Variants in KIF24 observed in about 807,000 individuals in gnomAD.
KIF24 encodes kinesin-like protein KIF24.
Under a neutral mutation model 118.9 loss-of-function variants are expected in KIF24, and 81 were observed. The ratio of observed to expected loss-of-function variants is 0.68; its 90% confidence interval spans 0.57 to 0.82. The LOEUF is 0.82. Among genes scored for constraint, KIF24 ranks in the 40% least tolerant of loss-of-function variants. The probability of loss-of-function intolerance (pLI) is 0.00; values close to 1 mark genes in which losing one functional copy is unlikely to be tolerated. For synonymous variants in KIF24, 599 were observed against 610.0 expected (o/e 0.98, Z 0.27); for missense variants, 1,560 against 1,661.6 (o/e 0.94, Z 1.06).
chr9:34,252,544 T>TTTA lies in KIF24; in HGVS notation c.*1833_*1835dup, dbSNP rs1834631222. ...AGGTATGTCTTGGTGTGATAACTTC[T>TTTA]TTATTACCAAGGCTGTTTTATGGGA... is the stretch of plus-strand genomic sequence containing the variant. On this transcript the variant is annotated 3_prime_UTR_variant, in exon 13 of 13. Coordinates refer to ENST00000402558, the MANE Select transcript of KIF24 (RefSeq NM_194313.4). 1 of 152,674 alleles carries TTTA rather than the reference T, an allele frequency of 6.5e-6. No homozygotes were observed. The highest frequency in any genetic ancestry group is 2.1e-4 in the South Asian group (1 of 4,836). The allele number at this position is 152,674 out of a possible 1,614,324, so 9.5% of individuals were successfully genotyped here.
chr9:34,257,639 A>G lies in KIF24; in HGVS notation c.1968T>C (p.His656=), dbSNP rs1280819098. 3 of 1,613,966 alleles carry G rather than the reference A, an allele frequency of 1.9e-6. No homozygotes were observed. The highest frequency in any genetic ancestry group is 2.2e-5 in the South Asian group (2 of 91,080). The change falls in exon 11 of 13, where the codon CAT becomes CAC. Residue 656 remains histidine, a synonymous_variant. Coordinates refer to ENST00000402558, the MANE Select transcript of KIF24 (RefSeq NM_194313.4). ...SPVKGTVRSG[H]VAKKKPEESA... ...ACTCTTCTGGCTTTTTTTTGGCCAC[A>G]TGTCCAGAGCGCACAGTTCCTTTCA...
chr9:34,299,127 ATTC>A (rs996944173), intron 3 of KIF24, among the ~76,000 whole-genome samples: 2 of 151,914 alleles, frequency 1.3e-5, no homozygotes, highest in Non-Finnish European at 2.9e-5. Context: ...ATACATATAT[ATTC>A]TTATATACAT....
chr9:34,252,628 T>A lies in KIF24; in HGVS notation c.*1752A>T, dbSNP rs1834637443. The A allele has an allele frequency of 1.3e-5, 2 of 152,460 alleles. No individual in the cohort carries two copies. Among genetic ancestry groups the A allele is most frequent in the South Asian group, 4.1e-4 (2 of 4,834 alleles). 9.4% of individuals were successfully genotyped at this position (152,460 alleles called of 1,614,324 possible). ...TTGCTTAGATTTGCTGGGGATAGAATAGGACCTAACCGTTTTCTATTTCGG... is the reference window on the plus strand; with the variant it reads ...TTGCTTAGATTTGCTGGGGATAGAAAAGGACCTAACCGTTTTCTATTTCGG... On this transcript the variant is annotated 3_prime_UTR_variant, in exon 13 of 13. Transcript: ENST00000402558.
chr9:34,279,734 G>A (rs72731299), intron 6 of KIF24, among the ~76,000 whole-genome samples: 5,924 of 152,340 alleles, frequency 0.039, 159 homozygotes, highest in South Asian at 0.071. Context: ...ATACCTGAGC[G>A]AGTATGAACA....
chr9:34,289,467 T>A (rs1836171830), intron 5 of KIF24, among the ~76,000 whole-genome samples: 1 of 152,166 alleles, frequency 6.6e-6, no homozygotes, highest in Non-Finnish European at 1.5e-5. Context: ...ACATCTCAAA[T>A]CTGGTTAATT....
intron 4 of KIF24, among the ~76,000 whole-genome samples, chr9:34,293,072 TAA>T (rs1836314711): frequency 1.3e-5 from 2 of 152,164 alleles, no homozygotes; most frequent in Admixed American, 6.5e-5. Context: ...AAATTGAACC[TAA>T]GAGATATTTC....
chr9:34,278,063 C>A (rs1047051698), intron 6 of KIF24, among the ~76,000 whole-genome samples: 1 of 152,130 alleles, frequency 6.6e-6, no homozygotes, highest in Non-Finnish European at 1.5e-5. Flanking sequence ...CACCTGAGGT[C>A]AGGAGTTTGA....
At chr9:34,299,387 G>A (rs1836607209) in intron 3 of KIF24, among the ~76,000 whole-genome samples, 1 of 151,754 alleles carries the variant, frequency 6.6e-6, no homozygotes, top group African/African-American at 2.4e-5. Flanking sequence ...TCATCATGTT[G>A]GCCAGGCTGG....
chr9:34,320,944 T>A (rs1160062466), intron 1 of KIF24, among the ~76,000 whole-genome samples: 1 of 152,180 alleles, frequency 6.6e-6, no homozygotes, highest in African/African-American at 2.4e-5. Flanking sequence ...TGTGTGCTTT[T>A]ATTTTTATTC....
Position 34,283,052 on chromosome 9 carries a change from CAAAAAAAAAA to C in KIF24, c.1215+3555_1215+3564del, listed in dbSNP as rs33926979. ...GGGCGACAAGAGCAAAACTCCGTCT[CAAAAAAAAAA>C]AAAAAAAAAAAAAGAATATTATGGC... On this transcript the variant is annotated intron_variant, in intron 6 of 12. Transcript: ENST00000402558. 2.0e-3 allele frequency among the ~76,000 whole-genome samples: 138 copies of C among 69,072 alleles called. 1 individual carries two copies. Among genetic ancestry groups the C allele is most frequent in the African/African-American group, 7.4e-3 (133 of 17,854 alleles). The allele number at this position is 69,072 out of a possible 152,430, so 45.3% of individuals were successfully genotyped here. A position where few individuals can be genotyped will look rare whatever the true frequency, so the allele number is the denominator to read the frequency against.
At chr9:34,286,506 A>G (rs1461424868) in intron 6 of KIF24, 111 bp downstream of exon 6, 2 of 708,754 alleles carry the variant, frequency 2.8e-6, no homozygotes, top group Non-Finnish European at 5.0e-6. Context: ...TGGGCTTGTC[A>G]TTGCCCTTTG....
chr9:34,288,802 C>T (rs955038535), intron 5 of KIF24, among the ~76,000 whole-genome samples: 9 of 149,844 alleles, frequency 6.0e-5, no homozygotes, highest in Admixed American at 3.3e-4. Context: ...TAAAGAAATG[C>T]GTTCAGAAAG....
Position 34,257,580 on chromosome 9 carries a change from C to A in KIF24, c.2027G>T (p.Gly676Val). 6.2e-7 allele frequency: 1 copy of A among 1,614,086 alleles called. No individual in the cohort carries two copies. Among genetic ancestry groups the A allele is most frequent in the South Asian group, 1.1e-5 (1 of 91,090 alleles). ...TTCCCACCCAAGGACAGTTTTGTTG[C>A]CCATTCGATTTTTCTCAGAGCACAA... Reference protein sequence around the residue: ...APLCSEKNRMGNKTVLGWESR... With the variant: ...APLCSEKNRMVNKTVLGWESR... The change falls in exon 11 of 13, where the codon GGC becomes GTC. Residue 676 changes from glycine (G) to valine (V), a missense_variant. By Grantham distance (109) the Gly-to-Val change is moderately radical. Transcript: ENST00000402558.
rs2131650497 is a variant in KIF24 at position 34,254,398 on chromosome 9, C to T, written c.4089G>A (p.Glu1363=). Residue 1363 remains glutamate, a synonymous_variant, in exon 13 of 13, where the codon GAG becomes GAA. Transcript: ENST00000402558. ...LTCHGPTAAP[E]GTVPS ...TCTGGCTCTAAGACGGCACTGTTCC[C>T]TCAGGGGCTGCGGTGGGCCCGTGGC... The T allele has an allele frequency of 3.1e-6, 5 of 1,613,558 alleles. No individual in the cohort carries two copies. Among genetic ancestry groups the T allele is most frequent in the Non-Finnish European group, 4.2e-6 (5 of 1,179,846 alleles).
chr9:34,298,321 G>A (rs1836564288), intron 3 of KIF24, among the ~76,000 whole-genome samples: 1 of 152,112 alleles, frequency 6.6e-6, no homozygotes, highest in African/African-American at 2.4e-5. Context: ...CGAGGCAGGT[G>A]GATCACCTGA....
rs375797609 is a variant in KIF24 at position 34,254,359 on chromosome 9, A to G, written c.*21T>C. On this transcript the variant is annotated 3_prime_UTR_variant, in exon 13 of 13. Coordinates refer to ENST00000402558, the MANE Select transcript of KIF24 (RefSeq NM_194313.4). The stretch of plus-strand genomic sequence containing the variant: ...CACAGACTCCTGCAGGGCCCCCACC[A>G]TCTCGGCACAGGGTCTGGCTCTAAG... The G allele has an allele frequency of 3.9e-5, 63 of 1,601,956 alleles. No individual in the cohort carries two copies. The highest frequency in any genetic ancestry group is 5.3e-5 in the Non-Finnish European group (62 of 1,175,414).
chr9:34,292,040 A>C (rs1170451978), intron 4 of KIF24, among the ~76,000 whole-genome samples: 1 of 152,178 alleles, frequency 6.6e-6, no homozygotes, highest in East Asian at 1.9e-4. Context: ...TGGCAATGTC[A>C]ATTGATAGCT....
chr9:34,330,425 A>C (rs539369869), upstream of KIF24, among the ~76,000 whole-genome samples: 53 of 152,216 alleles, frequency 3.5e-4, no homozygotes, highest in South Asian at 1.7e-3. Flanking sequence ...CAAAACAAAA[A>C]AAAACTGAAT....
In KIF24 at chr9:34,313,756, T is replaced by G. The variant is rs569257357; in HGVS notation, c.-25-2385A>C. On this transcript the variant is annotated intron_variant, in intron 1 of 12. Coordinates refer to ENST00000402558, the MANE Select transcript of KIF24 (RefSeq NM_194313.4). The stretch of plus-strand genomic sequence containing the variant: ...GTTATCTGTTTTTTTTTTTTTGTTT[T>G]TTTTTTTTTGAGGGATGGTCTTGCT... Among the ~76,000 whole-genome samples the G allele has an allele frequency of 5.3e-3, 801 of 150,626 alleles. 7 individuals carry two copies. Among genetic ancestry groups the G allele is most frequent in the African/African-American group, 0.017 (684 of 41,122 alleles).
Sources: allele counts gnomAD v4.1 joint callset (sites outside exome capture counted in the v4.1 genomes callset), GRCh38; gene constraint gnomAD v4.1.1; transcripts MANE v1.5; gene names NCBI Gene and HGNC (gene_info 2026-07-23, HGNC 2026-07-21).